SIRT6: variants seen among roughly 807,000 people sequenced by gnomAD.
The protein encoded by SIRT6 is sirtuin 6, also known as NAD-dependent protein deacylase sirtuin-6.
A neutral mutation model predicts 33.6 loss-of-function variants in SIRT6; 21 were observed. The ratio of observed to expected loss-of-function variants is 0.62; its 90% CI spans 0.44 to 0.90. The LOEUF is 0.90. Ranked by LOEUF, SIRT6 falls within the 40% of genes least tolerant of loss-of-function variation. SIRT6 has a pLI of 0.00. For missense variants in SIRT6, 504 were observed against 510.6 expected (o/e 0.99, Z 0.12); for synonymous variants, 221 against 223.9 (o/e 0.99, Z 0.12).
intron 3 of SIRT6, 97 bp downstream of exon 3, chr19:4,179,007 T>A: frequency 6.9e-7 from 1 of 1,456,582 alleles, no homozygotes; most frequent in Non-Finnish European, 9.3e-7. Context: ...AGGGCTAGAA[T>A]CTTATAGAAC....
At chr19:4,177,308 T>C (rs533901549) in intron 3 of SIRT6, among the ~76,000 whole-genome samples, 170 bp from the exon 4 acceptor site, 1 of 152,180 alleles carries the variant, frequency 6.6e-6, no homozygotes, top group East Asian at 1.9e-4. Flanking sequence ...CCACCATTCA[T>C]CTGCTGTGCA....
In SIRT6 at chr19:4,176,926, C is replaced by T. The variant is rs111252985; in HGVS notation, c.437+153G>A. Among the ~76,000 whole-genome samples, 2,540 of 147,536 alleles carry T rather than the reference C, an allele frequency of 0.017. 80 individuals carry two copies. Among genetic ancestry groups the T allele is most frequent in the African/African-American group, 0.06 (2,408 of 39,878 alleles). On this transcript the variant is annotated intron_variant, in intron 4 of 7. Transcript: ENST00000337491. ...AATCCCTCCAGGAGGGAGACATACTCCTTATATCCCCCCAAGAGGGAGACA... is the reference window on the plus strand; with the variant it reads ...AATCCCTCCAGGAGGGAGACATACTTCTTATATCCCCCCAAGAGGGAGACA...
At position 4,182,548 on chromosome 19, in the gene SIRT6, G is replaced by A. The variant is rs751348775; in HGVS notation, c.-9C>T. ...GCGTAATTCACCGACATCCTCGACT[G>A]CCCCACGGGAACAATAAAGTTTCCC... On this transcript the variant is annotated 5_prime_UTR_variant, in exon 1 of 8. Transcript: ENST00000337491. 1 of 1,609,100 alleles carries A rather than the reference G, an allele frequency of 6.2e-7. No homozygotes were observed. Among genetic ancestry groups the A allele is most frequent in the South Asian group, 1.1e-5 (1 of 90,254 alleles).
At chr19:4,181,964 A>G (rs1301986858) in intron 1 of SIRT6, among the ~76,000 whole-genome samples, 1 of 152,096 alleles carries the variant, frequency 6.6e-6, no homozygotes, top group Non-Finnish European at 1.5e-5. Context: ...ATGGAGACCC[A>G]AAAGGGAAGT....
chr19:4,179,135 C>A lies in SIRT6; in HGVS notation c.346G>T (p.Asp116Tyr), dbSNP rs964309225. 2 of 1,612,404 alleles carry A rather than the reference C, an allele frequency of 1.2e-6. No homozygotes were observed. Residue 116 changes from aspartate to tyrosine, a missense_variant, in exon 3 of 8, where the codon GAC (aspartate) becomes TAC (tyrosine). By Grantham distance (160) the Asp-to-Tyr change is radical. Transcript: ENST00000337491. ...LLRFLVSQNVDGLHVRSGFPR... is the reference protein window; with the variant it reads ...LLRFLVSQNVYGLHVRSGFPR... ...AAGCCTGAGCGCACATGGAGCCCGT[C>A]CACGTTCTGGCTGACCAGGAAGCGG... is the stretch of plus-strand genomic sequence containing the variant.
In SIRT6 at chr19:4,180,876, C is replaced by A. The variant is rs1401434365; in HGVS notation, c.100G>T (p.Val34Leu). 6.2e-7 allele frequency: 1 copy of A among 1,613,586 alleles called. No individual in the cohort carries two copies. Among genetic ancestry groups the A allele is most frequent in the Admixed American group, 1.7e-5 (1 of 59,962 alleles). Residue 34 changes from valine to leucine, a missense_variant, in exon 2 of 8, where the codon GTG becomes TTG. Physicochemically the swap from Val to Leu is conservative, Grantham distance 32. Transcript: ENST00000337491. ...CAGACCAGCCTCGCCAGTTCCCACA[C>A]CTTCCGCTCCAGCTCCTCCGGGGGG... is the stretch of plus-strand genomic sequence containing the variant. ...FDPPEELERK[V>L]WELARLVWQS... is the part of the protein sequence containing the mutation.
chr19:4,179,316 G>A (rs779418000), intron 2 of SIRT6, 30 bp from the exon 3 acceptor site: 16 of 1,552,524 alleles, frequency 1.0e-5, no homozygotes, highest in Admixed American at 2.0e-5. Flanking sequence ...AGAGATGGAC[G>A]GGGAGAGGGG....
At chr19:4,182,428 C>A (rs752708026) in intron 1 of SIRT6, 46 bp downstream of exon 1, 9 of 1,576,242 alleles carry the variant, frequency 5.7e-6, no homozygotes, top group Non-Finnish European at 7.8e-6. Flanking sequence ...CCGCTCCCAG[C>A]CCGCGGCCCT....
At position 4,174,430 on chromosome 19, in the gene SIRT6, C is replaced by A. The variant is rs772584628; in HGVS notation, c.*187G>T. The stretch of plus-strand genomic sequence containing the variant: ...TCACCTCTGGGGTGTGGCTTCTTCC[C>A]GGAACCGCACCAGAGGCCCCTGGAG... On this transcript the variant is annotated 3_prime_UTR_variant, in exon 8 of 8. Transcript: ENST00000337491. This position sits in a 1 kb window ranked among gnomAD's most constrained non-coding sequence, Gnocchi z 4.2. 5 of 490,844 alleles carry A rather than the reference C, an allele frequency of 1.0e-5. No individual in the cohort carries two copies. Among genetic ancestry groups the A allele is most frequent in the Non-Finnish European group, 1.4e-5 (4 of 291,492 alleles). The allele number at this position is 490,844 out of a possible 1,614,324, so 30.4% of individuals were successfully genotyped here. A position where few individuals can be genotyped will look rare whatever the true frequency, so the allele number is the denominator to read the frequency against.
intron 6 of SIRT6, 170 bp from the exon 7 acceptor site, chr19:4,175,321 G>C: frequency 2.2e-6 from 2 of 897,112 alleles, no homozygotes; most frequent in Non-Finnish European, 3.3e-6. Flanking sequence ...TCTGCGGTCC[G>C]TTGGCGGGGT....
At chr19:4,176,045 G>T in intron 4 of SIRT6, 108 bp from the exon 5 acceptor site, 1 of 910,892 alleles carries the variant, frequency 1.1e-6, no homozygotes, top group Non-Finnish European at 1.7e-6. Context: ...GTGGACAGGT[G>T]ACCAGAACTA....
intron 2 of SIRT6, among the ~76,000 whole-genome samples, chr19:4,179,916 A>G (rs149192716): frequency 3.1e-4 from 47 of 152,118 alleles, no homozygotes; most frequent in African/African-American, 1.0e-3. Flanking sequence ...GAGAAAATGC[A>G]AGTGTTTTGG....
In SIRT6 at chr19:4,179,286, C is replaced by G; in HGVS notation, c.195G>C (p.Arg65Ser). 1 of 1,596,272 alleles carries G rather than the reference C, an allele frequency of 6.3e-7. No homozygotes were observed. Among genetic ancestry groups the G allele is most frequent in the Non-Finnish European group, 8.5e-7 (1 of 1,171,408 alleles). ...ISTASGIPDF[R>S]GPHGVWTMEE... is the part of the protein sequence containing the mutation. ...CCATGGTCCAGACTCCGTGGGGACC[C>G]CTGAAGGTGGCAGGCCGGGAGAGAT... The change falls in exon 3 of 8, where the codon AGG (arginine) becomes AGC (serine). Residue 65 changes from arginine to serine, a missense_variant and splice_region_variant. Transcript: ENST00000337491.
chr19:4,179,522 G>A, intron 2 of SIRT6: 1 of 548,668 alleles, frequency 1.8e-6, no homozygotes, highest in Non-Finnish European at 3.2e-6. Context: ...GACAAAGCAA[G>A]TCAGAGACAG....
chr19:4,174,531 G>A lies in SIRT6; in HGVS notation c.*86C>T, dbSNP rs1599353379. The A allele has an allele frequency of 1.6e-6, 2 of 1,257,606 alleles. No individual in the cohort carries two copies. Among genetic ancestry groups the A allele is most frequent in the Non-Finnish European group, 1.1e-6 (1 of 952,250 alleles). The allele number at this position is 1,257,606 out of a possible 1,614,324, so 77.9% of individuals were successfully genotyped here. A position where few individuals can be genotyped will look rare whatever the true frequency, so the allele number is the denominator to read the frequency against. On this transcript the variant is annotated 3_prime_UTR_variant, in exon 8 of 8. Coordinates refer to ENST00000337491, the MANE Select transcript of SIRT6 (RefSeq NM_016539.4). This position sits in a 1 kb window ranked among gnomAD's most constrained non-coding sequence, Gnocchi z 4.2. ...CTCTCAGAGCCCTGAGGCTCCCGGGGACAGAAACAAGTAACAAAGTGAGAC... is the reference window on the plus strand; with the variant it reads ...CTCTCAGAGCCCTGAGGCTCCCGGGAACAGAAACAAGTAACAAAGTGAGAC...
In SIRT6 at chr19:4,175,670, G is replaced by T. The variant is rs756872715; in HGVS notation, c.614+10C>A. The T allele has an allele frequency of 1.3e-6, 2 of 1,512,062 alleles. No individual in the cohort carries two copies. The highest frequency in any genetic ancestry group is 2.4e-5 in the East Asian group (1 of 41,580). The allele number at this position is 1,512,062 out of a possible 1,614,324, so 93.7% of individuals were successfully genotyped here. A position where few individuals can be genotyped will look rare whatever the true frequency, so the allele number is the denominator to read the frequency against. ...CCCACCATGGGCTCCCTGGGGGTGG[G>T]GGGTCAGACCTGCTGGCCTCATCGG... On this transcript the variant is annotated intron_variant, in intron 6 of 7. Transcript: ENST00000337491.
At chr19:4,175,585 G>A (rs1967243813) in intron 6 of SIRT6, 95 bp downstream of exon 6, 2 of 1,261,040 alleles carry the variant, frequency 1.6e-6, no homozygotes, top group South Asian at 3.1e-5. Flanking sequence ...CACTGCCTGT[G>A]AGCCTCAGCC....
chr19:4,180,093 CTTTTTTTTTT>C (rs71166971), intron 2 of SIRT6, among the ~76,000 whole-genome samples: 5 of 45,926 alleles, frequency 1.1e-4, no homozygotes, highest in African/African-American at 4.0e-4. Flanking sequence ...CACGCCTTGG[CTTTTTTTTTT>C]TTTTTTTTTT....
chr19:4,176,768 A>T lies in SIRT6; in HGVS notation c.437+311T>A, dbSNP rs192608167. ...GACTTCTGGTCCCCAGAACTGTGAG[A>T]TCACAAATTTCTATTGTTCTACGCT... On this transcript the variant is annotated intron_variant, in intron 4 of 7. Transcript: ENST00000337491. Among the ~76,000 whole-genome samples the T allele has an allele frequency of 7.9e-5, 12 of 152,246 alleles. No homozygotes were observed. The East Asian group carries it at 2.3e-3, about 29-fold the overall frequency.
Sources: gnomAD v4.1 joint callset for allele counts (sites outside exome capture counted in the v4.1 genomes callset) on GRCh38, gnomAD v4.1.1 for gene constraint, Gnocchi (gnomAD v3.1) non-coding constraint, MANE v1.5 for transcripts, NCBI Gene and HGNC (gene_info 2026-07-23, HGNC 2026-07-21) for gene names.